CDC42EP4: variants seen among roughly 807,000 people sequenced by gnomAD.
CDC42EP4 encodes CDC42 effector protein (Rho GTPase binding) 4.
Under a neutral mutation model 5.6 loss-of-function variants are expected in CDC42EP4, and 6 were observed. That is an observed-to-expected ratio of 1.07 (90% CI 0.59 to 2.12). CDC42EP4 has a LOEUF of 2.12. CDC42EP4 is among the 30% of genes most tolerant of loss of function. The probability of loss-of-function intolerance (pLI) is 0.00; values close to 1 mark genes in which losing one functional copy is unlikely to be tolerated. For synonymous variants in CDC42EP4, 230 were observed against 224.2 expected, an observed-to-expected ratio of 1.03 and a Z score of -0.23; for missense variants, 490 against 508.6, an observed-to-expected ratio of 0.96 and a Z score of 0.35.
chr17:73,294,721 G>A (rs945987286), intron 1 of CDC42EP4, among the ~76,000 whole-genome samples: 1 of 152,126 alleles, frequency 6.6e-6, no homozygotes, highest in East Asian at 1.9e-4. Context: ...CCACGCATTA[G>A]TAAGTTTTAG....
At chr17:73,305,124 C>A (rs2062238349) in intron 1 of CDC42EP4, among the ~76,000 whole-genome samples, 1 of 152,206 alleles carries the variant, frequency 6.6e-6, no homozygotes, top group African/African-American at 2.4e-5. Context: ...TGACCGGAAG[C>A]AACAACGGAG....
In CDC42EP4 at chr17:73,286,542, G is replaced by A. The variant is rs371964654; in HGVS notation, c.-42C>T. Reference sequence around the variant, plus strand: ...GGAGGTGGGCCCTCCCGAGGTAGCCGGCAGGTCTGGGGTCAGATCTGAAGT... The same window carrying A: ...GGAGGTGGGCCCTCCCGAGGTAGCCAGCAGGTCTGGGGTCAGATCTGAAGT... On this transcript the variant is annotated 5_prime_UTR_variant, in exon 2 of 2. Transcript: ENST00000335793. The surrounding 1 kb of genome is among the most constrained non-coding windows in gnomAD (Gnocchi z 7.7). 76 of 1,481,726 alleles carry A rather than the reference G, an allele frequency of 5.1e-5. No homozygotes were observed. The highest frequency in any genetic ancestry group is 9.9e-5 in the Admixed American group (5 of 50,356). The allele number at this position is 1,481,726 out of a possible 1,614,324, so 91.8% of individuals were successfully genotyped here. A position where few individuals can be genotyped will look rare whatever the true frequency, so the allele number is the denominator to read the frequency against.
chr17:73,297,396 C>T (rs1373261715), intron 1 of CDC42EP4, among the ~76,000 whole-genome samples: 1 of 151,784 alleles, frequency 6.6e-6, no homozygotes, highest in Non-Finnish European at 1.5e-5. Flanking sequence ...ATCTCTTGAA[C>T]CCGGGAGGCG....
intron 1 of CDC42EP4, among the ~76,000 whole-genome samples, chr17:73,298,209 A>G (rs1254034419): frequency 6.6e-6 from 1 of 152,032 alleles, no homozygotes; most frequent in Non-Finnish European, 1.5e-5. Flanking sequence ...CCTCCCTCAA[A>G]ATCACCCCCA....
chr17:73,285,794 T>TC lies in CDC42EP4; in HGVS notation c.706dup (p.Glu236GlyfsTer8). The TC allele has an allele frequency of 6.2e-7, 1 of 1,602,586 alleles. No homozygotes were observed. The highest frequency in any genetic ancestry group is 8.5e-7 in the Non-Finnish European group (1 of 1,170,552). Reference sequence around the variant, plus strand: ...GCCCTCATCGCCATGGTAACCACCCTCCCCCTCCTCGGGGTCCCACTCCTC... The same window carrying TC: ...GCCCTCATCGCCATGGTAACCACCCTCCCCCCTCCTCGGGGTCCCACTCCTC... On this transcript the variant is annotated frameshift_variant, in exon 2 of 2. Transcript: ENST00000335793. LOFTEE classifies it high-confidence loss of function. The surrounding 1 kb of genome is among the most constrained non-coding windows in gnomAD (Gnocchi z 6.8).
intron 1 of CDC42EP4, among the ~76,000 whole-genome samples, chr17:73,303,071 C>T (rs899135289): frequency 2.1e-5 from 3 of 140,060 alleles, no homozygotes; most frequent in South Asian, 2.2e-4. Context: ...TGGCCAGGCG[C>T]GGTGGCTCAC....
intron 1 of CDC42EP4, among the ~76,000 whole-genome samples, chr17:73,290,376 G>A (rs955444921): frequency 1.3e-5 from 2 of 152,186 alleles, no homozygotes; most frequent in East Asian, 3.8e-4. Flanking sequence ...AGGGTACAGA[G>A]AAGGGGGTAC....
chr17:73,295,527 G>T (rs1156651624), intron 1 of CDC42EP4, among the ~76,000 whole-genome samples: 1 of 152,250 alleles, frequency 6.6e-6, no homozygotes, highest in Non-Finnish European at 1.5e-5. Context: ...GAGCTGCTCA[G>T]AGTCAAAATG....
Position 73,286,571 on chromosome 17 carries a change from A to C in CDC42EP4, c.-71T>G. The stretch of plus-strand genomic sequence containing the variant: ...GGTCTGGGGTCAGATCTGAAGTCCA[A>C]GTCCAGTGGGCAGAGGGGGACGCAA... On this transcript the variant is annotated 5_prime_UTR_variant, in exon 2 of 2. Transcript: ENST00000335793. The surrounding 1 kb of genome is among the most constrained non-coding windows in gnomAD (Gnocchi z 7.7). 1 of 1,168,270 alleles carries C rather than the reference A, an allele frequency of 8.6e-7. No individual in the cohort carries two copies. Among genetic ancestry groups the C allele is most frequent in the South Asian group, 1.5e-5 (1 of 66,820 alleles). The allele number at this position is 1,168,270 out of a possible 1,614,324, so 72.4% of individuals were successfully genotyped here.
chr17:73,302,128 C>G (rs2062222260), intron 1 of CDC42EP4, among the ~76,000 whole-genome samples: 1 of 152,198 alleles, frequency 6.6e-6, no homozygotes, highest in African/African-American at 2.4e-5. Context: ...GCTACTGCAC[C>G]CGGCCAGCAG....
At chr17:73,304,013 G>T (rs12943779) in intron 1 of CDC42EP4, among the ~76,000 whole-genome samples, 10,767 of 152,250 alleles carry the variant, frequency 0.071, 522 homozygotes, top group Non-Finnish European at 0.1. Context: ...TCATTATCAA[G>T]AACACTCCGG....
chr17:73,295,622 G>A (rs2062180487), intron 1 of CDC42EP4, among the ~76,000 whole-genome samples: 1 of 152,234 alleles, frequency 6.6e-6, no homozygotes, highest in African/African-American at 2.4e-5. Flanking sequence ...GATGGTTTTG[G>A]CCAGGTGTGG....
chr17:73,286,112 T>C lies in CDC42EP4; in HGVS notation c.389A>G (p.Lys130Arg). 6.2e-7 allele frequency: 1 copy of C among 1,614,024 alleles called. No individual in the cohort carries two copies. Among genetic ancestry groups the C allele is most frequent in the Non-Finnish European group, 8.5e-7 (1 of 1,180,028 alleles). ...GCTCTTGGGCAGCTTACTGGTGCCCTTCTCCGCGGCCTCCTTCTCATTGAG... is the reference window on the plus strand; with the variant it reads ...GCTCTTGGGCAGCTTACTGGTGCCCCTCTCCGCGGCCTCCTTCTCATTGAG... ...PQLNEKEAAE[K>R]GTSKLPKSLS... The change falls in exon 2 of 2, where the codon AAG becomes AGG. Residue 130 changes from lysine to arginine, a missense_variant. Transcript: ENST00000335793. The surrounding 1 kb of genome is among the most constrained non-coding windows in gnomAD (Gnocchi z 7.7).
chr17:73,291,050 G>A (rs924921652), intron 1 of CDC42EP4, among the ~76,000 whole-genome samples: 1 of 152,178 alleles, frequency 6.6e-6, no homozygotes, highest in Non-Finnish European at 1.5e-5. Context: ...GGTCAGAGGG[G>A]ACAGCAGGGA....
chr17:73,286,659 A>T lies in CDC42EP4; in HGVS notation c.-112-47T>A, dbSNP rs2062136554. 3.3e-6 allele frequency: 2 copies of T among 607,694 alleles called. No homozygotes were observed. The highest frequency in any genetic ancestry group is 4.2e-5 in the South Asian group (2 of 47,424). 37.6% of individuals were successfully genotyped at this position (607,694 alleles called of 1,614,324 possible). A position where few individuals can be genotyped will look rare whatever the true frequency, so the allele number is the denominator to read the frequency against. Reference sequence around the variant, plus strand: ...CAAAGGATTAACGCGGGCTGGCCACACGGCACAAAAGCCTCTTTGCCAGGG... The same window carrying T: ...CAAAGGATTAACGCGGGCTGGCCACTCGGCACAAAAGCCTCTTTGCCAGGG... On this transcript the variant is annotated intron_variant, in intron 1 of 1. Coordinates refer to ENST00000335793, the MANE Select transcript of CDC42EP4 (RefSeq NM_012121.5). This position sits in a 1 kb window ranked among gnomAD's most constrained non-coding sequence, Gnocchi z 7.7.
intron 1 of CDC42EP4, among the ~76,000 whole-genome samples, chr17:73,291,787 C>T (rs982219141): frequency 1.3e-5 from 2 of 152,166 alleles, no homozygotes; most frequent in African/African-American, 4.8e-5. Context: ...TCCTGAGCCT[C>T]CGGAGGAACA....
At chr17:73,309,563 G>A (rs1188807794) in intron 1 of CDC42EP4, among the ~76,000 whole-genome samples, 1 of 151,968 alleles carries the variant, frequency 6.6e-6, no homozygotes, top group Non-Finnish European at 1.5e-5. Flanking sequence ...CACGGTGGGT[G>A]GGCAAGGGAA....
Position 73,286,593 on chromosome 17 carries a change from G to C in CDC42EP4, c.-93C>G. The C allele has an allele frequency of 1.2e-6, 1 of 843,890 alleles. No homozygotes were observed. 52.3% of individuals were successfully genotyped at this position (843,890 alleles called of 1,614,324 possible). A position where few individuals can be genotyped will look rare whatever the true frequency, so the allele number is the denominator to read the frequency against. On this transcript the variant is annotated 5_prime_UTR_variant, in exon 2 of 2. Transcript: ENST00000335793. This position sits in a 1 kb window ranked among gnomAD's most constrained non-coding sequence, Gnocchi z 7.7. ...CCAAGTCCAGTGGGCAGAGGGGGACGCAATGAGGAGATCATAAGGCTGCAA... is the reference window on the plus strand; with the variant it reads ...CCAAGTCCAGTGGGCAGAGGGGGACCCAATGAGGAGATCATAAGGCTGCAA...
At chr17:73,310,757 A>T (rs1165040782) in intron 1 of CDC42EP4, 1 of 88,818 alleles carries the variant, frequency 1.1e-5, no homozygotes, top group Non-Finnish European at 2.6e-5. Context: ...ACACACACAC[A>T]CACACACACA....
Sources: allele counts gnomAD v4.1 joint callset (sites outside exome capture counted in the v4.1 genomes callset), GRCh38; gene constraint gnomAD v4.1.1; non-coding constraint Gnocchi (gnomAD v3.1); transcripts MANE v1.5; gene names NCBI Gene and HGNC (gene_info 2026-07-23, HGNC 2026-07-21).